MATN1: variants seen among roughly 807,000 people sequenced by gnomAD.
MATN1 encodes matrilin-1.
In MATN1, 34 loss-of-function variants were observed where a neutral mutation model predicts 41.3. The ratio of observed to expected loss-of-function variants is 0.82; its 90% CI spans 0.63 to 1.10. MATN1 has a LOEUF of 1.10. Among genes scored for constraint, MATN1 ranks in the 50% least tolerant of loss-of-function variants. The pLI is 0.00. For missense variants in MATN1, 602 were observed against 662.4 expected, an observed-to-expected ratio of 0.91 and a Z score of 1.00; for synonymous variants, 264 against 278.7, an observed-to-expected ratio of 0.95 and a Z score of 0.53.
intron 6 of MATN1, 42 bp downstream of exon 6, chr1:30,715,115 C>G: frequency 6.2e-7 from 1 of 1,607,500 alleles, no homozygotes; most frequent in Non-Finnish European, 8.5e-7. Flanking sequence ...CCACAGTGCC[C>G]CACCTGCAAA....
chr1:30,714,262 C>T lies in MATN1; in HGVS notation c.1426G>A (p.Ala476Thr), dbSNP rs1313744448. 1 of 1,607,576 alleles carries T rather than the reference C, an allele frequency of 6.2e-7. No homozygotes were observed. The highest frequency in any genetic ancestry group is 8.5e-7 in the Non-Finnish European group (1 of 1,177,082). Residue 476 changes from alanine (A) to threonine (T), a missense_variant, in exon 7 of 8, where the codon GCC (alanine) becomes ACC (threonine). Transcript: ENST00000373765. ...GAAGGGATATGTTTCCTGGTCAGGG[C>T]CTGCAGCAGCCCCTCCACTTTGGCT... ...FQAKVEGLLQ[A>T]LTRKLEAVSK...
At chr1:30,716,353 G>A in intron 4 of MATN1, 28 bp from the exon 5 acceptor site, 5 of 1,601,064 alleles carry the variant, frequency 3.1e-6, no homozygotes, top group Non-Finnish European at 4.3e-6. Flanking sequence ...GCAACGGGCT[G>A]AAGCTGAAGG....
Position 30,721,408 on chromosome 1 carries a change from G to C in MATN1, c.438C>G (p.Ser146Arg). 6.2e-7 allele frequency: 1 copy of C among 1,606,392 alleles called. No individual in the cohort carries two copies. The highest frequency in any genetic ancestry group is 8.5e-7 in the Non-Finnish European group (1 of 1,174,144). ...EGGRSRSPDI[S>R]KVVIVVTDGR... ...TAGCAGGGTGGCGTGCACGTACCTT[G>C]CTGATGTCAGGGGACCTGGAACGAC... is the stretch of plus-strand genomic sequence containing the variant. Residue 146 changes from serine to arginine, a missense_variant, in exon 2 of 8, where the codon AGC becomes AGG. Coordinates refer to ENST00000373765, the MANE Select transcript of MATN1 (RefSeq NM_002379.3).
intron 2 of MATN1, chr1:30,719,528 C>G (rs1290435985): frequency 6.5e-6 from 1 of 153,476 alleles, no homozygotes. Flanking sequence ...AGGGACCAAC[C>G]CAAGAAAGAT....
intron 2 of MATN1, 108 bp downstream of exon 2, chr1:30,721,297 G>T: frequency 9.3e-7 from 1 of 1,070,250 alleles, no homozygotes. Flanking sequence ...GCTATGAAAT[G>T]GCCACCTCAC....
chr1:30,716,152 A>C lies in MATN1; in HGVS notation c.964T>G (p.Ser322Ala). 6.2e-7 allele frequency: 1 copy of C among 1,614,198 alleles called. No individual in the cohort carries two copies. Among genetic ancestry groups the C allele is most frequent in the Non-Finnish European group, 8.5e-7 (1 of 1,180,036 alleles). The change falls in exon 5 of 8, where the codon TCT (serine) becomes GCT (alanine). Residue 322 changes from serine (S) to alanine (A), a missense_variant. Ser to Ala is a moderately conservative substitution (Grantham distance 99). Transcript: ENST00000373765. ...CCCAGGGGGAACTCCTGGCGCACAGAGCTTGAGTACTGCACCAGCCCCACC... is the reference window on the plus strand; with the variant it reads ...CCCAGGGGGAACTCCTGGCGCACAGCGCTTGAGTACTGCACCAGCCCCACC... Reference protein sequence around the residue: ...AQVGLVQYSSSVRQEFPLGRF... With the variant: ...AQVGLVQYSSAVRQEFPLGRF...
chr1:30,713,535 G>A lies in MATN1; in HGVS notation c.*47C>T, dbSNP rs369725802. 5.6e-5 allele frequency: 86 copies of A among 1,545,404 alleles called. No individual in the cohort carries two copies. In the Admixed American group the frequency reaches 1.1e-3, roughly 20 times the overall value. ...CTCACTAAAATGGTAAAGCTACGGC[G>A]GACACGTGCAGGACGCTTGGAGAGG... On this transcript the variant is annotated 3_prime_UTR_variant, in exon 8 of 8. Transcript: ENST00000373765.
At position 30,723,143 on chromosome 1, in the gene MATN1, G is replaced by A. The variant is rs537945832; in HGVS notation, c.94+315C>T. ...GGTCTGCTGTCATCAAAGAGCCATG[G>A]GCTCAGCCCTGGGCTTGGTGCAGCT... On this transcript the variant is annotated intron_variant, in intron 1 of 7. Coordinates refer to ENST00000373765, the MANE Select transcript of MATN1 (RefSeq NM_002379.3). Among the ~76,000 whole-genome samples, 141 of 152,270 alleles carry A rather than the reference G, an allele frequency of 9.3e-4. 1 individual carries two copies. Among genetic ancestry groups the A allele is most frequent in the African/African-American group, 3.3e-3 (137 of 41,562 alleles).
At position 30,715,201 on chromosome 1, in the gene MATN1, G is replaced by A; in HGVS notation, c.1316C>T (p.Thr439Ile). 1 of 1,614,228 alleles carries A rather than the reference G, an allele frequency of 6.2e-7. No individual in the cohort carries two copies. The highest frequency in any genetic ancestry group is 8.5e-7 in the Non-Finnish European group (1 of 1,180,042). ...EHYFYTADFK[T>I]INQIGKKLQK... ...CAACTTCTTGCCTATCTGGTTGATGGTCTTGAAGTCAGCCGTGTAGAAGTA... is the reference window on the plus strand; with the variant it reads ...CAACTTCTTGCCTATCTGGTTGATGATCTTGAAGTCAGCCGTGTAGAAGTA... The change falls in exon 6 of 8, where the codon ACC becomes ATC. Residue 439 changes from threonine (T) to isoleucine (I), a missense_variant. Thr to Ile is a moderately conservative substitution (Grantham distance 89). Coordinates refer to ENST00000373765, the MANE Select transcript of MATN1 (RefSeq NM_002379.3).
intron 1 of MATN1, among the ~76,000 whole-genome samples, chr1:30,722,698 A>G (rs1327400141): frequency 3.3e-5 from 5 of 152,210 alleles, no homozygotes; most frequent in Non-Finnish European, 7.4e-5. Context: ...AACTGAGCAG[A>G]GCCAATCCCA....
At chr1:30,714,220 G>T in intron 7 of MATN1, 27 bp downstream of exon 7, 1 of 1,369,664 alleles carries the variant, frequency 7.3e-7, no homozygotes, top group Non-Finnish European at 1.0e-6. Context: ...CCCCTCCCCA[G>T]CCCCAGCCCC....
chr1:30,716,818 A>C lies in MATN1; in HGVS notation c.762T>G (p.Thr254=), dbSNP rs149126079. 401 of 1,613,998 alleles carry C rather than the reference A, an allele frequency of 2.5e-4. 2 individuals carry two copies. In the African/African-American group the frequency reaches 4.8e-3, roughly 19 times the overall value. ...SYTCACHEGF[T]LNSDGKTCNV... is the part of the protein sequence containing the mutation. ...TGCAGGTCTTGCCGTCGCTGTTCAGAGTGAAGCCCTCGTGGCAGGCGCAGG... is the reference window on the plus strand; with the variant it reads ...TGCAGGTCTTGCCGTCGCTGTTCAGCGTGAAGCCCTCGTGGCAGGCGCAGG... The change falls in exon 4 of 8, where the codon ACT becomes ACG. Residue 254 remains threonine, a synonymous_variant. Transcript: ENST00000373765.
rs774952694 is a variant in MATN1 at position 30,713,294 on chromosome 1, G to A, written c.*288C>T. The A allele has an allele frequency of 7.0e-6, 3 of 426,146 alleles. No individual in the cohort carries two copies. Among genetic ancestry groups the A allele is most frequent in the Non-Finnish European group, 1.3e-5 (3 of 235,558 alleles). The allele number at this position is 426,146 out of a possible 1,614,324, so 26.4% of individuals were successfully genotyped here. ...AGCTTTTGATTATAAAAATGCAAAC[G>A]CAGTCCCTCTCACACTCACCCCTGC... On this transcript the variant is annotated 3_prime_UTR_variant, in exon 8 of 8. Coordinates refer to ENST00000373765, the MANE Select transcript of MATN1 (RefSeq NM_002379.3).
In MATN1 at chr1:30,719,327, G is replaced by C. The variant is rs902595341; in HGVS notation, c.442-370C>G. The C allele has an allele frequency of 2.0e-5, 5 of 243,968 alleles. No homozygotes were observed. In the South Asian group the frequency reaches 4.5e-4, roughly 22 times the overall value. 15.1% of individuals were successfully genotyped at this position (243,968 alleles called of 1,614,324 possible). A position where few individuals can be genotyped will look rare whatever the true frequency, so the allele number is the denominator to read the frequency against. ...GTCGTGCCACGCCCCTCGTGCCCCCGGGAGGCCCGGCCGGGGCTGGGTGGG... is the reference window on the plus strand; with the variant it reads ...GTCGTGCCACGCCCCTCGTGCCCCCCGGAGGCCCGGCCGGGGCTGGGTGGG... On this transcript the variant is annotated intron_variant, in intron 2 of 7. Coordinates refer to ENST00000373765, the MANE Select transcript of MATN1 (RefSeq NM_002379.3).
At chr1:30,715,072 C>G in intron 6 of MATN1, 85 bp downstream of exon 6, 1 of 1,532,604 alleles carries the variant, frequency 6.5e-7, no homozygotes, top group Non-Finnish European at 8.9e-7. Context: ...CTGCTTTTCC[C>G]CACCCACACC....
chr1:30,717,641 G>GTTTTT (rs1557450696), intron 3 of MATN1, among the ~76,000 whole-genome samples: 61 of 136,830 alleles, frequency 4.5e-4, no homozygotes, highest in African/African-American at 1.7e-3. Context: ...TTGTGTGTGC[G>GTTTTT]GTTTTTTTTT....
intron 1 of MATN1, among the ~76,000 whole-genome samples, chr1:30,722,968 C>T (rs757986639): frequency 3.9e-4 from 59 of 152,158 alleles, no homozygotes; most frequent in Non-Finnish European, 5.0e-4. Context: ...GGTCTTAGGC[C>T]CTCACTGACC....
Position 30,715,309 on chromosome 1 carries a change from C to T in MATN1, c.1208G>A (p.Gly403Asp). The T allele has an allele frequency of 6.2e-7, 1 of 1,614,052 alleles. No homozygotes were observed. The highest frequency in any genetic ancestry group is 8.5e-7 in the Non-Finnish European group (1 of 1,179,930). ...NDAAKKAKDL[G>D]FKMFAVGVGN... is the part of the protein sequence containing the mutation. The stretch of plus-strand genomic sequence containing the variant: ...CACACCCACAGCAAACATCTTAAAG[C>T]CTGCCAGGAGGAACAGGAGAAGTAA... Residue 403 changes from glycine (G) to aspartate (D), a missense_variant and splice_region_variant, in exon 6 of 8, where the codon GGC becomes GAC. By Grantham distance (94) the Gly-to-Asp change is moderately conservative. Coordinates refer to ENST00000373765, the MANE Select transcript of MATN1 (RefSeq NM_002379.3).
At position 30,712,772 on chromosome 1, in the gene MATN1, GAA is replaced by G. The variant is rs1312684554; in HGVS notation, c.*808_*809del. The G allele has an allele frequency of 6.6e-6, 1 of 152,140 alleles. No homozygotes were observed. The highest frequency in any genetic ancestry group is 1.5e-5 in the Non-Finnish European group (1 of 68,050). The allele number at this position is 152,140 out of a possible 1,614,324, so 9.4% of individuals were successfully genotyped here. A position where few individuals can be genotyped will look rare whatever the true frequency, so the allele number is the denominator to read the frequency against. ...CGAATGAGTGAACGAATGAATGAAT[GAA>G]CAAATGAGTCCTATCTGGTGTCATT... On this transcript the variant is annotated 3_prime_UTR_variant, in exon 8 of 8. Transcript: ENST00000373765.
Sources: allele counts gnomAD v4.1 joint callset (sites outside exome capture counted in the v4.1 genomes callset), GRCh38; gene constraint gnomAD v4.1.1; transcripts MANE v1.5; gene names NCBI Gene and HGNC (gene_info 2026-07-23, HGNC 2026-07-21).